CLCN7: variants seen among roughly 807,000 people sequenced by gnomAD.
The protein encoded by CLCN7 is H(+)/Cl(-) exchange transporter 7.
In CLCN7, 60 loss-of-function variants were observed where a neutral mutation model predicts 102.1. The observed-to-expected ratio is 0.59, with a 90% confidence interval of 0.48 to 0.73. The LOEUF (loss-of-function observed/expected upper bound fraction) is 0.73. CLCN7 is among the 30% of genes least tolerant of loss of function. The pLI is 0.00. For missense variants in CLCN7, 962 were observed against 1,125.7 expected (o/e 0.85, Z 2.08); for synonymous variants, 560 against 490.5 (o/e 1.14, Z -1.87).
chr16:1,474,048 C>A (rs906579637), intron 1 of CLCN7: 1 of 433,012 alleles, frequency 2.3e-6, no homozygotes, highest in Admixed American at 2.6e-5. Context: ...CGCGCCATTG[C>A]ACTCCAGCCT....
chr16:1,445,923 T>G lies in CLCN7; in HGVS notation c.*708A>C. Reference sequence around the variant, plus strand: ...TGGGGGACCAAGGCAGGGCTGGGCATGGGGCTCAGGGCCTTGGAGGTTTTT... The same window carrying G: ...TGGGGGACCAAGGCAGGGCTGGGCAGGGGGCTCAGGGCCTTGGAGGTTTTT... On this transcript the variant is annotated 3_prime_UTR_variant, in exon 25 of 25. Transcript: ENST00000382745. 4.0e-6 allele frequency: 1 copy of G among 248,026 alleles called. No individual in the cohort carries two copies. The highest frequency in any genetic ancestry group is 7.8e-6 in the Non-Finnish European group (1 of 129,014). 15.4% of individuals were successfully genotyped at this position (248,026 alleles called of 1,614,324 possible). A position where few individuals can be genotyped will look rare whatever the true frequency, so the allele number is the denominator to read the frequency against.
Position 1,453,165 on chromosome 16 carries a change from A to G in CLCN7, c.1215-272T>C, listed in dbSNP as rs553963706. 3.3e-5 allele frequency among the ~76,000 whole-genome samples: 5 copies of G among 151,960 alleles called. 1 individual carries two copies. The East Asian group carries it at 9.7e-4, about 29-fold the overall frequency. ...TGGGATTACAGGCGCCCGGCTCTAC[A>G]TCTGGCTAATTTTTTTTTGAATTTT... On this transcript the variant is annotated intron_variant, in intron 14 of 24. Transcript: ENST00000382745.
At chr16:1,474,096 A>T (rs528431221) in intron 1 of CLCN7, 241 of 443,174 alleles carry the variant, frequency 5.4e-4, no homozygotes, top group African/African-American at 4.3e-3. Context: ...AAAAAAAAAA[A>T]ATATTAAGAC....
rs997749834 is a variant in CLCN7, at chr16:1,457,014, T to C, written c.822+240A>G. Among the ~76,000 whole-genome samples, 3 of 151,984 alleles carry C rather than the reference T, an allele frequency of 2.0e-5. No individual in the cohort carries two copies. Among genetic ancestry groups the C allele is most frequent in the African/African-American group, 7.3e-5 (3 of 41,362 alleles). ...AGAAGCCGCTTGGAGCCACAGACCC[T>C]CCCACGGGAAACACTGATGCACGTG... On this transcript the variant is annotated intron_variant, in intron 9 of 24. Transcript: ENST00000382745. The surrounding 1 kb of genome is among the most constrained non-coding windows in gnomAD (Gnocchi z 5.4).
At chr16:1,447,853 T>A in intron 21 of CLCN7, 139 bp from the exon 22 acceptor site, 1 of 918,384 alleles carries the variant, frequency 1.1e-6, no homozygotes, top group Non-Finnish European at 1.7e-6. Flanking sequence ...GGCTACCTGC[T>A]CACACCAGCC....
chr16:1,447,131 G>A, intron 23 of CLCN7, 45 bp from the exon 24 acceptor site: 1 of 1,533,648 alleles, frequency 6.5e-7, no homozygotes, highest in South Asian at 1.2e-5. Context: ...CACAGCAGAG[G>A]CAGGCGGGAC....
chr16:1,451,312 A>G (rs2038746109), intron 16 of CLCN7, among the ~76,000 whole-genome samples: 1 of 152,068 alleles, frequency 6.6e-6, no homozygotes, highest in African/African-American at 2.4e-5. Flanking sequence ...GGCTCAAGCA[A>G]TCCTCCCGGC....
At chr16:1,458,963 C>A in intron 7 of CLCN7, 144 bp downstream of exon 7, 1 of 643,628 alleles carries the variant, frequency 1.6e-6, no homozygotes, top group Non-Finnish European at 2.7e-6. Context: ...CCCCTTCACA[C>A]CCAGCCAGCC....
intron 1 of CLCN7, among the ~76,000 whole-genome samples, chr16:1,469,009 G>T (rs1022340268): frequency 2.7e-5 from 4 of 146,170 alleles, no homozygotes; most frequent in Non-Finnish European, 6.0e-5. Context: ...TGGCCAACAT[G>T]AAGCAACCCC....
At chr16:1,467,046 C>T (rs555304072) in intron 1 of CLCN7, among the ~76,000 whole-genome samples, 350 of 152,158 alleles carry the variant, frequency 2.3e-3, no homozygotes, top group Non-Finnish European at 3.8e-3. Flanking sequence ...GTACACCCCC[C>T]GTGTTGATGA....
At chr16:1,461,566 C>T (rs776848082) in intron 3 of CLCN7, 37 bp downstream of exon 3, 1 of 1,611,898 alleles carries the variant, frequency 6.2e-7, no homozygotes, top group Non-Finnish European at 8.5e-7. Flanking sequence ...GGGGCAGAGG[C>T]CGGGTCTCAG....
chr16:1,461,716 G>A, intron 2 of CLCN7, 42 bp from the exon 3 acceptor site: 1 of 1,543,196 alleles, frequency 6.5e-7, no homozygotes, highest in Non-Finnish European at 8.9e-7. Context: ...AGTTGACAAG[G>A]CCACAAGGAG....
intron 3 of CLCN7, 38 bp from the exon 4 acceptor site, chr16:1,461,508 A>G: frequency 6.3e-7 from 1 of 1,599,856 alleles, no homozygotes; most frequent in Non-Finnish European, 8.5e-7. Context: ...CTCAGCACCG[A>G]ACCCACGCTC....
intron 20 of CLCN7, 35 bp downstream of exon 20, chr16:1,448,646 A>G (rs778590639): frequency 1.9e-6 from 3 of 1,610,758 alleles, no homozygotes; most frequent in Non-Finnish European, 2.5e-6. Flanking sequence ...GCCGCTGGAC[A>G]CCCTCCCCAC....
chr16:1,474,690 A>G (rs2142410334), intron 1 of CLCN7, 144 bp downstream of exon 1: 1 of 682,084 alleles, frequency 1.5e-6, no homozygotes, highest in East Asian at 4.7e-5. Flanking sequence ...CCCGCCGAGG[A>G]GCCCCGGGGC....
Position 1,451,662 on chromosome 16 carries a change from G to A in CLCN7, c.1408C>T (p.Pro470Ser). 6.2e-7 allele frequency: 1 copy of A among 1,612,786 alleles called. No homozygotes were observed. The highest frequency in any genetic ancestry group is 8.5e-7 in the Non-Finnish European group (1 of 1,179,934). ...NSMAAAFFNTPEKSVVSLFHD... is the reference protein window; with the variant it reads ...NSMAAAFFNTSEKSVVSLFHD... ...AAGAGGCTCACCACGCTCTTCTCCG[G>A]GGTGTTGAAGAAGGCCGCAGCCATG... Residue 470 changes from proline to serine, a missense_variant, in exon 16 of 25, where the codon CCG (proline) becomes TCG (serine). By Grantham distance (74) the Pro-to-Ser change is moderately conservative. Coordinates refer to ENST00000382745, the MANE Select transcript of CLCN7 (RefSeq NM_001287.6).
chr16:1,446,246 G>A lies in CLCN7; in HGVS notation c.*385C>T, dbSNP rs769573664. On this transcript the variant is annotated 3_prime_UTR_variant, in exon 25 of 25. Transcript: ENST00000382745. ...CTTCCAGGGCAGGGCAGCCCTCGGGGCAGCAGCAGGGGCAAGGGCTCTGTC... is the reference window on the plus strand; with the variant it reads ...CTTCCAGGGCAGGGCAGCCCTCGGGACAGCAGCAGGGGCAAGGGCTCTGTC... 2 of 669,972 alleles carry A rather than the reference G, an allele frequency of 3.0e-6. No individual in the cohort carries two copies. Among genetic ancestry groups the A allele is most frequent in the African/African-American group, 3.5e-5 (2 of 56,472 alleles). The allele number at this position is 669,972 out of a possible 1,614,324, so 41.5% of individuals were successfully genotyped here.
At chr16:1,474,180 G>C in intron 1 of CLCN7, 1 of 456,114 alleles carries the variant, frequency 2.2e-6, no homozygotes, top group South Asian at 1.5e-5. Context: ...GCACGCTGCA[G>C]GGTGACATGC....
intron 15 of CLCN7, 193 bp downstream of exon 15, chr16:1,452,562 G>A: frequency 3.2e-6 from 2 of 621,862 alleles, no homozygotes; most frequent in Non-Finnish European, 5.6e-6. Context: ...CCATTCCCCT[G>A]GCACCTCAGC....
Sources: gnomAD v4.1 joint callset for allele counts (sites outside exome capture counted in the v4.1 genomes callset) on GRCh38, gnomAD v4.1.1 for gene constraint, Gnocchi (gnomAD v3.1) non-coding constraint, MANE v1.5 for transcripts, NCBI Gene and HGNC (gene_info 2026-07-23, HGNC 2026-07-21) for gene names.